Variants in NPAS3 observed in about 807,000 individuals in gnomAD.
NPAS3 encodes neuronal PAS domain-containing protein 3.
Under a neutral mutation model 73.1 loss-of-function variants are expected in NPAS3, and 14 were observed. The observed-to-expected ratio is 0.19, with a 90% CI of 0.13 to 0.30. The LOEUF (loss-of-function observed/expected upper bound fraction) is 0.30, where lower values mean the gene tolerates loss of function less well. Ranked by LOEUF, NPAS3 falls within the 10% of genes least tolerant of loss-of-function variation. NPAS3 has a pLI of 1.00. For missense variants in NPAS3, 1,096 were observed against 1,250.0 expected (o/e 0.88, Z 1.86); for synonymous variants, 620 against 541.5 (o/e 1.14, Z -2.01).
intron 4 of NPAS3, among the ~76,000 whole-genome samples, chr14:33,510,432 TA>T (rs2052991326): frequency 6.6e-6 from 1 of 151,974 alleles, no homozygotes; most frequent in Non-Finnish European, 1.5e-5. Flanking sequence ...AGTGATAAAT[TA>T]AATCACTTCC....
At chr14:33,492,791 A>C (rs2051967178) in intron 4 of NPAS3, among the ~76,000 whole-genome samples, 1 of 152,128 alleles carries the variant, frequency 6.6e-6, no homozygotes. Flanking sequence ...TTAATTTGAT[A>C]ATTCTATCAC....
At chr14:33,668,219 A>G (rs968334479) in intron 5 of NPAS3, among the ~76,000 whole-genome samples, 1 of 152,084 alleles carries the variant, frequency 6.6e-6, no homozygotes, top group Non-Finnish European at 1.5e-5. Context: ...CAACAGTATC[A>G]CTCTTAAACA....
chr14:32,980,161 G>A (rs1278922592), intron 1 of NPAS3, among the ~76,000 whole-genome samples: 1 of 152,094 alleles, frequency 6.6e-6, no homozygotes, highest in Non-Finnish European at 1.5e-5. Context: ...AGAAGAATTG[G>A]TTCCTACCTT....
At chr14:33,691,905 C>G (rs1296053734) in intron 6 of NPAS3, among the ~76,000 whole-genome samples, 1 of 152,184 alleles carries the variant, frequency 6.6e-6, no homozygotes, top group African/African-American at 2.4e-5. Flanking sequence ...CACCAAGGCC[C>G]TTCCTCTGCC....
At chr14:33,467,822 A>G (rs1213928806) in intron 4 of NPAS3, among the ~76,000 whole-genome samples, 1 of 152,204 alleles carries the variant, frequency 6.6e-6, no homozygotes, top group African/African-American at 2.4e-5. Flanking sequence ...AAAATCTCTC[A>G]AAGTTGCCAT....
At chr14:33,682,602 G>A (rs766504138) in intron 6 of NPAS3, among the ~76,000 whole-genome samples, 4 of 152,112 alleles carry the variant, frequency 2.6e-5, no homozygotes, top group Admixed American at 6.5e-5. Context: ...TTTCATGAGC[G>A]AAGTAGGCTA....
chr14:33,770,157 G>C (rs1433043534), intron 7 of NPAS3, among the ~76,000 whole-genome samples: 2 of 152,124 alleles, frequency 1.3e-5, no homozygotes, highest in Admixed American at 1.3e-4. Flanking sequence ...CCGGGACAGG[G>C]GGACTTTTCA....
chr14:33,071,735 A>C (rs1430676467), intron 2 of NPAS3, among the ~76,000 whole-genome samples: 1 of 152,220 alleles, frequency 6.6e-6, no homozygotes, highest in Admixed American at 6.5e-5. Context: ...TTAAATTTAT[A>C]CAACCTAGTC....
At chr14:33,382,929 A>G (rs1251242097) in intron 4 of NPAS3, among the ~76,000 whole-genome samples, 2 of 151,990 alleles carry the variant, frequency 1.3e-5, no homozygotes, top group Non-Finnish European at 2.9e-5. Flanking sequence ...CATCTCTACA[A>G]AAATAAAATG....
At chr14:33,219,540 A>G (rs2047346077) in intron 3 of NPAS3, among the ~76,000 whole-genome samples, 2 of 152,198 alleles carry the variant, frequency 1.3e-5, no homozygotes, top group African/African-American at 4.8e-5. Context: ...TGGTGATTAA[A>G]ATTGACTGAA....
At chr14:33,131,385 G>A (rs1228978744) in intron 2 of NPAS3, among the ~76,000 whole-genome samples, 1 of 151,728 alleles carries the variant, frequency 6.6e-6, no homozygotes, top group Admixed American at 6.6e-5. Context: ...TCTCTCTCAA[G>A]TTCAGTCCAA....
chr14:33,717,495 T>C (rs568996203), intron 6 of NPAS3, among the ~76,000 whole-genome samples: 17 of 152,174 alleles, frequency 1.1e-4, no homozygotes, highest in African/African-American at 3.6e-4. Flanking sequence ...CCTAAGTACA[T>C]AGAGATAGAT....
intron 5 of NPAS3, among the ~76,000 whole-genome samples, chr14:33,591,058 AG>A (rs2057046311): frequency 6.6e-6 from 1 of 152,166 alleles, no homozygotes. Flanking sequence ...CACGTTGTGG[AG>A]GGAAGTGCTT....
At chr14:33,389,180 G>A (rs565551530) in intron 4 of NPAS3, among the ~76,000 whole-genome samples, 1 of 152,280 alleles carries the variant, frequency 6.6e-6, no homozygotes, top group Admixed American at 6.5e-5. Flanking sequence ...TTCAAAACAA[G>A]TAAACGATCA....
chr14:33,540,712 CTG>C (rs1218925425), intron 4 of NPAS3, among the ~76,000 whole-genome samples: 1 of 152,120 alleles, frequency 6.6e-6, no homozygotes, highest in Non-Finnish European at 1.5e-5. Flanking sequence ...GTAAAGGTCT[CTG>C]TAAACACTGA....
intron 1 of NPAS3, among the ~76,000 whole-genome samples, chr14:32,943,770 A>G (rs1371837099): frequency 6.8e-6 from 1 of 146,758 alleles, no homozygotes; most frequent in East Asian, 2.0e-4. Flanking sequence ...ATCTCAGCTC[A>G]CTGCAACCTC....
At chr14:33,797,213 G>A (rs943436711) in intron 10 of NPAS3, among the ~76,000 whole-genome samples, 1 of 152,190 alleles carries the variant, frequency 6.6e-6, no homozygotes, top group Non-Finnish European at 1.5e-5. Context: ...TTATTTAAAA[G>A]CTTCTCTCCA....
chr14:33,486,656 G>C (rs2051614413), intron 4 of NPAS3, among the ~76,000 whole-genome samples: 1 of 152,170 alleles, frequency 6.6e-6, no homozygotes, highest in Non-Finnish European at 1.5e-5. Context: ...TGGCTAGTCA[G>C]CTCGGTCAGA....
intron 4 of NPAS3, among the ~76,000 whole-genome samples, chr14:33,524,886 C>A (rs1350969202): frequency 6.6e-6 from 1 of 152,098 alleles, no homozygotes; most frequent in Non-Finnish European, 1.5e-5. Flanking sequence ...CAAATGTCTT[C>A]TTTTTATATA....
Sources: allele counts gnomAD v4.1 joint callset (sites outside exome capture counted in the v4.1 genomes callset), GRCh38; gene constraint gnomAD v4.1.1; transcripts MANE v1.5; gene names NCBI Gene and HGNC (gene_info 2026-07-23, HGNC 2026-07-21).